PUDP: variants seen among roughly 807,000 people sequenced by gnomAD.
The protein encoded by PUDP is pseudouridine 5'-phosphatase, also known as pseudouridine-5'-phosphatase.
PUDP carries 8 observed loss-of-function variants against 9.4 expected under a neutral mutation model. That is an observed-to-expected ratio of 0.85 (90% CI 0.50 to 1.53). The LOEUF (loss-of-function observed/expected upper bound fraction) is 1.53. PUDP is among the 40% of genes most tolerant of loss of function. PUDP has a pLI of 0.00. For synonymous variants in PUDP, 99 were observed against 80.7 expected (o/e 1.23, Z -1.22); for missense variants, 188 against 189.7 (o/e 0.99, Z 0.05).
chrX:6,808,724 A>G (rs908614535), intron 3 of PUDP, among the ~76,000 whole-genome samples: 1 of 112,310 alleles, frequency 8.9e-6, no homozygotes, highest in Non-Finnish European at 1.9e-5. Flanking sequence ...GCACACAGTG[A>G]AAGAAAGATC....
intron 3 of PUDP, among the ~76,000 whole-genome samples, chrX:6,947,802 AT>A (rs1928491721): frequency 9.1e-6 from 1 of 109,921 alleles, no homozygotes; most frequent in Non-Finnish European, 1.9e-5. Context: ...AAATAAATAA[AT>A]AAATAAATAA....
intron 3 of PUDP, among the ~76,000 whole-genome samples, chrX:6,818,533 T>A (rs1926287818): frequency 8.9e-6 from 1 of 112,652 alleles, no homozygotes; most frequent in Non-Finnish European, 1.9e-5. Flanking sequence ...TAATATTTCA[T>A]GTATTCAAAA....
At chrX:6,946,417 G>A (rs757175875) in intron 3 of PUDP, among the ~76,000 whole-genome samples, 6 of 111,887 alleles carry the variant, frequency 5.4e-5, no homozygotes, top group Non-Finnish European at 1.1e-4. Flanking sequence ...TCTGTCTTCT[G>A]GCCACAGGCT....
At chrX:6,728,598 G>C (rs1054740245) in intron 3 of PUDP, among the ~76,000 whole-genome samples, 3 of 111,826 alleles carry the variant, frequency 2.7e-5, no homozygotes, top group Admixed American at 9.5e-5. Flanking sequence ...CTTGCCGAAA[G>C]TCACGTAGGC....
chrX:7,014,307 G>A (rs1744250199), intron 1 of PUDP, among the ~76,000 whole-genome samples: 1 of 110,001 alleles, frequency 9.1e-6, no homozygotes, highest in Non-Finnish European at 1.9e-5. Context: ...CAGGCTTGAG[G>A]GTGGGGACTT....
intron 1 of PUDP, among the ~76,000 whole-genome samples, chrX:7,136,582 T>C (rs1445507126): frequency 8.9e-6 from 1 of 111,948 alleles, no homozygotes; most frequent in East Asian, 2.8e-4. Context: ...CAGCCACCCT[T>C]TTACTCTTTT....
rs61299123 is a variant in PUDP at position 6,926,922 on chromosome X, CTTTTTTTTTTTTTT to C, written c.*247+50197_*247+50210del. On this transcript the variant is annotated intron_variant and NMD_transcript_variant, in intron 3 of 3. Coordinates refer to the PUDP transcript ENST00000655425. ...TCTAATGGACACAAGGAGACAATTCCTTTTTTTTTTTTTTTTTTTTTTTGAGACTGTGTCTCACT... is the reference window on the plus strand; with the variant it reads ...TCTAATGGACACAAGGAGACAATTCCTTTTTTTTTGAGACTGTGTCTCACT... Among the ~76,000 whole-genome samples the C allele has an allele frequency of 1.1e-3, 73 of 66,861 alleles. 1 individual carries two copies. The highest frequency in any genetic ancestry group is 1.8e-3 in the Non-Finnish European group (69 of 37,479). 58.1% of individuals were successfully genotyped at this position (66,861 alleles called of 115,157 possible).
intron 3 of PUDP, among the ~76,000 whole-genome samples, chrX:6,785,268 C>T (rs1214805546): frequency 8.9e-6 from 1 of 112,147 alleles, no homozygotes; most frequent in Non-Finnish European, 1.9e-5. Flanking sequence ...CAGCTGCCTA[C>T]TTAAATTTAC....
At chrX:6,975,127 G>A (rs1928933627) in intron 3 of PUDP, among the ~76,000 whole-genome samples, 1 of 109,633 alleles carries the variant, frequency 9.1e-6, no homozygotes, top group Non-Finnish European at 1.9e-5. Context: ...TTTTTTCAAG[G>A]TTCTTAGCTT....
chrX:6,893,366 A>G (rs1927543217), intron 3 of PUDP, among the ~76,000 whole-genome samples: 2 of 111,692 alleles, frequency 1.8e-5, no homozygotes. Context: ...GAATTCATTC[A>G]TGTCTTGCTC....
At chrX:6,716,129 A>T (rs1174696143) in intron 1 of PUDP, among the ~76,000 whole-genome samples, 1 of 111,347 alleles carries the variant, frequency 9.0e-6, no homozygotes, top group Non-Finnish European at 1.9e-5. Flanking sequence ...GCTAAAAAAA[A>T]AAAAAAGGTC....
At chrX:7,112,402 C>T (rs888403397) in intron 1 of PUDP, among the ~76,000 whole-genome samples, 5 of 112,191 alleles carry the variant, frequency 4.5e-5, no homozygotes, top group African/African-American at 1.3e-4. Flanking sequence ...TTTGTGACCG[C>T]TTACTTATGA....
chrX:6,912,899 C>T (rs1171380729), intron 3 of PUDP, among the ~76,000 whole-genome samples: 2 of 112,138 alleles, frequency 1.8e-5, no homozygotes, highest in East Asian at 2.8e-4. Flanking sequence ...TCTCTGCCTA[C>T]GTTTGCAAAT....
At chrX:6,858,733 TA>T (rs1348333523) in intron 3 of PUDP, among the ~76,000 whole-genome samples, 1 of 112,021 alleles carries the variant, frequency 8.9e-6, no homozygotes, top group Non-Finnish European at 1.9e-5. Flanking sequence ...GAATTTATAG[TA>T]AGTTGGTACA....
At chrX:6,706,698 C>T (rs1924473517) in intron 1 of PUDP, among the ~76,000 whole-genome samples, 1 of 111,526 alleles carries the variant, frequency 9.0e-6, no homozygotes, top group Admixed American at 9.5e-5. Flanking sequence ...TGAGAAAAGG[C>T]AGACACACAA....
intron 3 of PUDP, among the ~76,000 whole-genome samples, chrX:6,880,103 GTT>G (rs200649633): frequency 2.9e-5 from 3 of 104,076 alleles, no homozygotes; most frequent in South Asian, 4.2e-4. Flanking sequence ...AATCGTTAAG[GTT>G]TTTTTTTTTT....
intron 1 of PUDP, among the ~76,000 whole-genome samples, chrX:7,042,001 T>C (rs1352228864): frequency 2.8e-5 from 3 of 108,291 alleles, no homozygotes; most frequent in Admixed American, 1.0e-4. Flanking sequence ...TGGTCTCCAG[T>C]CCTTTGCTTT....
intron 3 of PUDP, among the ~76,000 whole-genome samples, chrX:6,837,606 T>C: frequency 8.9e-6 from 1 of 112,425 alleles, no homozygotes; most frequent in Non-Finnish European, 1.9e-5. Flanking sequence ...TGGTATTTCT[T>C]CCCCCTGGCC....
intron 3 of PUDP, among the ~76,000 whole-genome samples, chrX:6,779,056 C>T (rs1485377133): frequency 1.8e-5 from 2 of 111,567 alleles, no homozygotes; most frequent in Non-Finnish European, 3.8e-5. Context: ...TAAGAGCGAG[C>T]ATTGTGACCA....
Sources: allele counts gnomAD v4.1 joint callset (sites outside exome capture counted in the v4.1 genomes callset), GRCh38; gene constraint gnomAD v4.1.1; transcripts MANE v1.5; gene names NCBI Gene and HGNC (gene_info 2026-07-23, HGNC 2026-07-21).